SLC16A12: variants seen among roughly 807,000 people sequenced by gnomAD.
SLC16A12 encodes the protein solute carrier family 16 member 12.
SLC16A12 carries 17 observed loss-of-function variants against 42.4 expected under a neutral mutation model. That is an observed-to-expected ratio of 0.40 (90% CI 0.27 to 0.60). The LOEUF (loss-of-function observed/expected upper bound fraction) is 0.60, where lower values mean the gene tolerates loss of function less well. Among genes scored for constraint, SLC16A12 ranks in the 20% least tolerant of loss-of-function variants. The probability of loss-of-function intolerance (pLI) is 0.42; values close to 1 mark genes in which losing one functional copy is unlikely to be tolerated. For missense variants in SLC16A12, 544 were observed against 623.0 expected (o/e 0.87, Z 1.35); for synonymous variants, 224 against 229.4 (o/e 0.98, Z 0.21).
chr10:89,555,025 A>G (rs1564607336), intron 2 of SLC16A12, among the ~76,000 whole-genome samples: 1 of 152,118 alleles, frequency 6.6e-6, no homozygotes, highest in African/African-American at 2.4e-5. Context: ...TGTCTTCCTC[A>G]CTTAAATTTC....
intron 2 of SLC16A12, among the ~76,000 whole-genome samples, chr10:89,533,155 G>A (rs769275130): frequency 4.7e-5 from 7 of 148,296 alleles, no homozygotes; most frequent in African/African-American, 7.7e-5. Context: ...TGTTGTTGTT[G>A]TTGTCGTTTT....
chr10:89,505,429 C>CA (rs369388880), intron 2 of SLC16A12, among the ~76,000 whole-genome samples: 111 of 150,988 alleles, frequency 7.4e-4, no homozygotes, highest in African/African-American at 2.5e-3. Context: ...TCTCAAAAAA[C>CA]AAAAAAACAA....
At chr10:89,498,670 G>A (rs1007418331) in intron 2 of SLC16A12, among the ~76,000 whole-genome samples, 4 of 152,154 alleles carry the variant, frequency 2.6e-5, no homozygotes, top group Non-Finnish European at 5.9e-5. Context: ...ATGACTGCAG[G>A]AATAAATCAG....
At chr10:89,474,748 AG>A (rs1842550438) in intron 2 of SLC16A12, among the ~76,000 whole-genome samples, 1 of 152,350 alleles carries the variant, frequency 6.6e-6, no homozygotes, top group Non-Finnish European at 1.5e-5. Flanking sequence ...ATTACTATTT[AG>A]GGGCACTGAA....
chr10:89,528,415 C>T (rs1355613663), intron 2 of SLC16A12, among the ~76,000 whole-genome samples: 2 of 152,048 alleles, frequency 1.3e-5, no homozygotes, highest in Non-Finnish European at 2.9e-5. Context: ...CCACAATCAT[C>T]AAAAACTTGA....
At chr10:89,443,962 G>T in intron 3 of SLC16A12, 103 bp from the exon 4 acceptor site, 1 of 756,762 alleles carries the variant, frequency 1.3e-6, no homozygotes, top group South Asian at 1.5e-5. Flanking sequence ...GTTTCCAAGG[G>T]TTTTAATTGC....
intron 3 of SLC16A12, among the ~76,000 whole-genome samples, chr10:89,457,179 A>G (rs1842208452): frequency 6.6e-6 from 1 of 152,248 alleles, no homozygotes; most frequent in Non-Finnish European, 1.5e-5. Flanking sequence ...CTATCATCAG[A>G]GTGAACAGAC....
At chr10:89,486,695 A>AAAAGAAAAAAGAAAG (rs1842760001) in intron 2 of SLC16A12, among the ~76,000 whole-genome samples, 1 of 141,602 alleles carries the variant, frequency 7.1e-6, no homozygotes, top group Non-Finnish European at 1.5e-5. Flanking sequence ...GAAAGAAAAG[A>AAAAGAAAAAAGAAAG]AAAGAAAAAA....
intron 7 of SLC16A12, among the ~76,000 whole-genome samples, chr10:89,435,649 A>C (rs1352886399): frequency 1.3e-5 from 2 of 152,162 alleles, no homozygotes; most frequent in African/African-American, 4.8e-5. Context: ...CTGGCACCCA[A>C]AACACTCCAC....
At position 89,462,072 on chromosome 10, in the gene SLC16A12, G is replaced by A. The variant is rs192461375; in HGVS notation, c.200+307C>T. Among the ~76,000 whole-genome samples the A allele has an allele frequency of 9.4e-4, 143 of 152,272 alleles. 1 individual carries two copies. The highest frequency in any genetic ancestry group is 3.3e-3 in the African/African-American group (137 of 41,552). On this transcript the variant is annotated intron_variant, in intron 3 of 7. Coordinates refer to ENST00000371790, the MANE Select transcript of SLC16A12 (RefSeq NM_213606.4). ...CCAGGTTTAAATATCAGATATGATA[G>A]AAAAGATCACTATCTGGGACTCATA...
At position 89,436,064 on chromosome 10, in the gene SLC16A12, G is replaced by C. The variant is rs760582920; in HGVS notation, c.1284C>G (p.Ile428Met). Residue 428 changes from isoleucine (I) to methionine (M), a missense_variant, in exon 7 of 8, where the codon ATC becomes ATG. Transcript: ENST00000371790. ...HAVPYLVSPP[I>M]AGRLVDTTGS... ...GGTTTCTCTCTGGAAACTTACCTGC[G>C]ATGGGTGGGCTCACCAAGTATGGCA... is the stretch of plus-strand genomic sequence containing the variant. 1 of 1,613,672 alleles carries C rather than the reference G, an allele frequency of 6.2e-7. No individual in the cohort carries two copies. Among genetic ancestry groups the C allele is most frequent in the South Asian group, 1.1e-5 (1 of 91,056 alleles).
rs190483743 is a variant in SLC16A12, at chr10:89,544,684, G to A, written c.-47+11198C>T. Among the ~76,000 whole-genome samples the A allele has an allele frequency of 9.9e-4, 151 of 152,270 alleles. 1 individual carries two copies. The highest frequency in any genetic ancestry group is 3.5e-3 in the African/African-American group (145 of 41,566). On this transcript the variant is annotated intron_variant, in intron 2 of 2. Coordinates refer to the SLC16A12 transcript ENST00000475682. Reference sequence around the variant, plus strand: ...CTATGATATACCAGGCCCTGTGTATGTATTATTTCATTCCGTTCTCATAAT... The same window carrying A: ...CTATGATATACCAGGCCCTGTGTATATATTATTTCATTCCGTTCTCATAAT...
upstream of SLC16A12, among the ~76,000 whole-genome samples, chr10:89,540,560 A>G (rs7084776): frequency 0.043 from 6,568 of 152,256 alleles, 326 homozygotes; most frequent in African/African-American, 0.12. Context: ...TGTCAACGGC[A>G]GTGCGTTTCC....
intron 2 of SLC16A12, among the ~76,000 whole-genome samples, chr10:89,474,880 G>T (rs937260250): frequency 9.2e-5 from 14 of 152,164 alleles, no homozygotes; most frequent in African/African-American, 3.1e-4. Flanking sequence ...CTCTATCCAA[G>T]ATTCTACCTC....
intron 4 of SLC16A12, among the ~76,000 whole-genome samples, chr10:89,441,483 C>A (rs1841910828): frequency 6.6e-6 from 1 of 152,134 alleles, no homozygotes; most frequent in Non-Finnish European, 1.5e-5. Flanking sequence ...TTTCAGGGCT[C>A]AATCCTCTTC....
At position 89,485,779 on chromosome 10, in the gene SLC16A12, C is replaced by A. The variant is rs1351917573; in HGVS notation, c.-46-23155G>T. Among the ~76,000 whole-genome samples, 4 of 152,184 alleles carry A rather than the reference C, an allele frequency of 2.6e-5. No individual in the cohort carries two copies. The South Asian group carries it at 8.3e-4, about 32-fold the overall frequency. On this transcript the variant is annotated intron_variant, in intron 2 of 7. Transcript: ENST00000371790. Reference sequence around the variant, plus strand: ...TGTTTGTGTGCAGAAAGGAGAGCAGCGTGTGTAGATCAGTAGGTGCACACT... The same window carrying A: ...TGTTTGTGTGCAGAAAGGAGAGCAGAGTGTGTAGATCAGTAGGTGCACACT...
At chr10:89,454,178 A>G (rs11203134) in intron 3 of SLC16A12, among the ~76,000 whole-genome samples, 15,420 of 151,818 alleles carry the variant, frequency 0.1, 893 homozygotes, top group South Asian at 0.26. Flanking sequence ...GGAGTGCACC[A>G]TCATGTCCAG....
chr10:89,489,786 T>C (rs1842819555), intron 2 of SLC16A12, among the ~76,000 whole-genome samples: 1 of 152,198 alleles, frequency 6.6e-6, no homozygotes, highest in Non-Finnish European at 1.5e-5. Flanking sequence ...TTATTACATG[T>C]GTTTATACCT....
At position 89,472,538 on chromosome 10, in the gene SLC16A12, G is replaced by A. The variant is rs182378498; in HGVS notation, c.-46-9914C>T. ...GATGGAGTCTTGCTGTGTTGCCCAG[G>A]CTGGAGTGCAGTGGGGCGATCTCGG... On this transcript the variant is annotated intron_variant, in intron 2 of 7. Transcript: ENST00000371790. Among the ~76,000 whole-genome samples the A allele has an allele frequency of 5.8e-5, 8 of 138,710 alleles. No individual in the cohort carries two copies. In the East Asian group the frequency reaches 1.5e-3, roughly 26 times the overall value. 91.0% of individuals were successfully genotyped at this position (138,710 alleles called of 152,430 possible). A position where few individuals can be genotyped will look rare whatever the true frequency, so the allele number is the denominator to read the frequency against.
Sources: gnomAD v4.1 joint callset for allele counts (sites outside exome capture counted in the v4.1 genomes callset) on GRCh38, gnomAD v4.1.1 for gene constraint, MANE v1.5 for transcripts, NCBI Gene and HGNC (gene_info 2026-07-23, HGNC 2026-07-21) for gene names.